The following PHKB variants were observed in gnomAD, a reference collection of about 807,000 sequenced individuals.
PHKB encodes the protein phosphorylase b kinase regulatory subunit beta.
Under a neutral mutation model 152.1 loss-of-function variants are expected in PHKB, and 122 were observed. The observed-to-expected ratio is 0.80, with a 90% CI of 0.69 to 0.93. The LOEUF is 0.93. Ranked by LOEUF, PHKB falls within the 40% of genes least tolerant of loss-of-function variation. PHKB has a pLI of 0.00. For missense variants in PHKB, 1,304 were observed against 1,328.4 expected (o/e 0.98, Z 0.29); for synonymous variants, 436 against 464.9 (o/e 0.94, Z 0.80).
intron 1 of PHKB, 35 bp downstream of exon 1, chr16:47,461,461 T>G (rs199943977): frequency 6.2e-7 from 1 of 1,602,598 alleles, no homozygotes; most frequent in African/African-American, 1.3e-5. Context: ...CCCACCCGAG[T>G]ACCTTGGGTG....
At chr16:47,606,181 A>C (rs974885398) in intron 13 of PHKB, among the ~76,000 whole-genome samples, 2 of 152,212 alleles carry the variant, frequency 1.3e-5, no homozygotes, top group Non-Finnish European at 2.9e-5. Context: ...ATTATTGAAA[A>C]GATCTTCCAA....
chr16:47,617,808 C>T (rs747354020), intron 14 of PHKB, among the ~76,000 whole-genome samples: 1 of 152,186 alleles, frequency 6.6e-6, no homozygotes, highest in Non-Finnish European at 1.5e-5. Flanking sequence ...ATTGATGAGT[C>T]AGGGATCTGG....
intron 6 of PHKB, among the ~76,000 whole-genome samples, chr16:47,516,878 TG>T (rs937100668): frequency 2.0e-5 from 3 of 152,174 alleles, no homozygotes; most frequent in African/African-American, 7.2e-5. Context: ...TCCAAATAAT[TG>T]TTAGTGTTTA....
intron 1 of PHKB, among the ~76,000 whole-genome samples, chr16:47,473,206 C>G (rs1473609147): frequency 7.5e-6 from 1 of 133,084 alleles, no homozygotes; most frequent in Non-Finnish European, 1.6e-5. Flanking sequence ...TGTGCACTAC[C>G]ATGCCTGGCT....
At position 47,630,681 on chromosome 16, in the gene PHKB, G is replaced by A. The variant is rs549018339; in HGVS notation, c.1459-10354G>A. ...TGTCAACTTGTCTGGACCACAGGCT[G>A]CCCAGCTATTTGGTCAAACACTATT... On this transcript the variant is annotated intron_variant, in intron 14 of 30. Coordinates refer to ENST00000323584, the MANE Select transcript of PHKB (RefSeq NM_000293.3). 9.9e-5 allele frequency among the ~76,000 whole-genome samples: 15 copies of A among 152,270 alleles called. 1 individual carries two copies. The South Asian group carries it at 1.9e-3, about 19-fold the overall frequency.
chr16:47,605,989 TATAAAGTG>T (rs1327237812), intron 13 of PHKB, among the ~76,000 whole-genome samples: 1 of 152,160 alleles, frequency 6.6e-6, no homozygotes, highest in African/African-American at 2.4e-5. Flanking sequence ...GTTCATCATC[TATAAAGTG>T]ATAAGGTTGT....
At chr16:47,509,757 A>G (rs1970478470) in intron 4 of PHKB, among the ~76,000 whole-genome samples, 1 of 152,194 alleles carries the variant, frequency 6.6e-6, no homozygotes, top group African/African-American at 2.4e-5. Context: ...TACTAACAAC[A>G]CTTCTGACAC....
At chr16:47,605,759 A>G (rs1167670220) in intron 13 of PHKB, among the ~76,000 whole-genome samples, 1 of 151,426 alleles carries the variant, frequency 6.6e-6, no homozygotes, top group Non-Finnish European at 1.5e-5. Flanking sequence ...GTAATATGCA[A>G]CCTGATTTCG....
chr16:47,582,181 G>A (rs1201239541), intron 8 of PHKB, among the ~76,000 whole-genome samples: 1 of 152,174 alleles, frequency 6.6e-6, no homozygotes, highest in African/African-American at 2.4e-5. Context: ...GCTGAATGGA[G>A]CTGAGTGTCT....
intron 7 of PHKB, among the ~76,000 whole-genome samples, chr16:47,571,811 C>T (rs1321608712): frequency 6.6e-6 from 1 of 152,166 alleles, no homozygotes; most frequent in African/African-American, 2.4e-5. Flanking sequence ...TGCACCTGTT[C>T]CTCTGCTGAA....
At chr16:47,487,924 A>G (rs1341897407) in intron 1 of PHKB, among the ~76,000 whole-genome samples, 1 of 152,194 alleles carries the variant, frequency 6.6e-6, no homozygotes, top group African/African-American at 2.4e-5. Context: ...TCTTTATGGT[A>G]AAATGATTTA....
chr16:47,606,384 C>G (rs574755490), intron 13 of PHKB, among the ~76,000 whole-genome samples: 18 of 152,228 alleles, frequency 1.2e-4, no homozygotes, highest in African/African-American at 3.4e-4. Flanking sequence ...GAACTGTAAT[C>G]TTTTTAGTAA....
intron 1 of PHKB, among the ~76,000 whole-genome samples, chr16:47,488,389 T>C (rs1414884113): frequency 6.6e-6 from 1 of 152,192 alleles, no homozygotes; most frequent in Non-Finnish European, 1.5e-5. Flanking sequence ...TTCTCTAGAT[T>C]GTCTGTTTGC....
chr16:47,565,923 G>T (rs1971557043), intron 7 of PHKB: 8 of 1,050,174 alleles, frequency 7.6e-6, no homozygotes, highest in Admixed American at 2.3e-5. Flanking sequence ...GGGTCTTTGT[G>T]GGGGACCTCT....
chr16:47,497,444 A>C lies in PHKB; in HGVS notation c.122A>C (p.Asp41Ala), dbSNP rs1224751908. 5.6e-6 allele frequency: 9 copies of C among 1,610,190 alleles called. No individual in the cohort carries two copies. The highest frequency in any genetic ancestry group is 6.8e-6 in the Non-Finnish European group (8 of 1,178,256). The change falls in exon 2 of 31, where the codon GAT becomes GCT. Residue 41 changes from aspartate (D) to alanine (A), a missense_variant. By Grantham distance (126) the Asp-to-Ala change is moderately radical (BLOSUM62 -2). Transcript: ENST00000323584. ...AAAAGCATTAATCTTCCAAGACCTG[A>C]TAATGAAACTCTCTGGGATAAGTTG... Reference protein sequence around the residue: ...PLKSINLPRPDNETLWDKLDH... With the variant: ...PLKSINLPRPANETLWDKLDH...
intron 6 of PHKB, among the ~76,000 whole-genome samples, chr16:47,535,860 T>A (rs1970943034): frequency 6.6e-6 from 1 of 152,206 alleles, no homozygotes; most frequent in Non-Finnish European, 1.5e-5. Context: ...TCTAGCTCTT[T>A]CCAATTAGAA....
intron 7 of PHKB, among the ~76,000 whole-genome samples, chr16:47,577,417 T>G (rs1252878157): frequency 1.3e-5 from 2 of 152,180 alleles, no homozygotes; most frequent in African/African-American, 2.4e-5. Context: ...ACATGTATTG[T>G]ATTTACCCAT....
At chr16:47,597,444 A>G (rs1159704651) in intron 13 of PHKB, among the ~76,000 whole-genome samples, 1 of 152,142 alleles carries the variant, frequency 6.6e-6, no homozygotes, top group Non-Finnish European at 1.5e-5. Flanking sequence ...GGCAGAAGCT[A>G]ACCAAATAAG....
At chr16:47,512,501 T>C (rs1251347042) in intron 5 of PHKB, among the ~76,000 whole-genome samples, 2 of 152,198 alleles carry the variant, frequency 1.3e-5, no homozygotes, top group African/African-American at 4.8e-5. Flanking sequence ...AGCAAATCAG[T>C]TTTGTTACAC....
Sources: gnomAD v4.1 joint callset for allele counts (sites outside exome capture counted in the v4.1 genomes callset) on GRCh38, gnomAD v4.1.1 for gene constraint, MANE v1.5 for transcripts, NCBI Gene and HGNC (gene_info 2026-07-23, HGNC 2026-07-21) for gene names.